The following NFAT5 variants were observed in gnomAD, a reference collection of about 807,000 sequenced individuals.
NFAT5 encodes the protein nuclear factor of activated T cells 5, also known as nuclear factor of activated T-cells 5.
A neutral mutation model predicts 166.5 loss-of-function variants in NFAT5; 31 were observed. The observed-to-expected ratio is 0.19, with a 90% CI of 0.14 to 0.25. The LOEUF (loss-of-function observed/expected upper bound fraction) is 0.25, where lower values mean the gene tolerates loss of function less well. Among genes scored for constraint, NFAT5 ranks in the 10% least tolerant of loss-of-function variants. NFAT5 has a pLI of 1.00. For synonymous variants in NFAT5, 612 were observed against 639.7 expected (o/e 0.96, Z 0.65); for missense variants, 1,449 against 1,821.8 (o/e 0.80, Z 3.72).
intron 2 of NFAT5, among the ~76,000 whole-genome samples, chr16:69,619,341 A>G (rs2034098747): frequency 1.3e-5 from 2 of 152,288 alleles, no homozygotes; most frequent in East Asian, 1.9e-4. Context: ...ATTTTGTTGT[A>G]TATATTTTAT....
In NFAT5 at chr16:69,566,903, C is replaced by G. The variant is rs534458860; in HGVS notation, c.73+529C>G. ...TTTGCGCCGTCGTTCCACCCCCTCT[C>G]CCTCCGGCCTAGTCCACTCCCTCCC... On this transcript the variant is annotated intron_variant, in intron 1 of 14. Transcript: ENST00000349945. This position sits in a 1 kb window ranked among gnomAD's most constrained non-coding sequence, Gnocchi z 5.7. 6.4e-4 allele frequency among the ~76,000 whole-genome samples: 98 copies of G among 152,304 alleles called. No individual in the cohort carries two copies. The highest frequency in any genetic ancestry group is 3.0e-3 in the Admixed American group (46 of 15,302).
chr16:69,570,723 T>G (rs2016379332), intron 2 of NFAT5, among the ~76,000 whole-genome samples: 1 of 152,192 alleles, frequency 6.6e-6, no homozygotes, highest in Admixed American at 6.5e-5. Flanking sequence ...AGGCTACCGC[T>G]TCTAGTATAT....
rs770031844 is a variant in NFAT5, at chr16:69,691,030, G to A, written c.1865G>A (p.Ser622Asn). The A allele has an allele frequency of 6.2e-7, 1 of 1,608,792 alleles. No individual in the cohort carries two copies. The highest frequency in any genetic ancestry group is 2.2e-5 in the East Asian group (1 of 44,678). The change falls in exon 12 of 15, where the codon AGT (serine) becomes AAT (asparagine). Residue 622 changes from serine to asparagine, a missense_variant. Physicochemically the swap from Ser to Asn is conservative, Grantham distance 46. Coordinates refer to ENST00000349945, the MANE Select transcript of NFAT5 (RefSeq NM_138713.4). ...CTCATACCAAGCAGTATGATTAAGA[G>A]TGAAGATGTTACTCCAATGGAAGTA... is the stretch of plus-strand genomic sequence containing the variant. ...TPLIPSSMIK[S>N]EDVTPMEVTA... is the part of the protein sequence containing the mutation.
chr16:69,684,619 G>A lies in NFAT5; in HGVS notation c.1691-268G>A, dbSNP rs142030790. Among the ~76,000 whole-genome samples, 661 of 151,984 alleles carry A rather than the reference G, an allele frequency of 4.3e-3. 3 individuals are homozygous for A. The highest frequency in any genetic ancestry group is 0.015 in the African/African-American group (630 of 41,472). Reference sequence around the variant, plus strand: ...GGTGGTCTTGAACTCCTGACCTCAAGTGATCACCCGCCTTGGCTTCCCAAA... The same window carrying A: ...GGTGGTCTTGAACTCCTGACCTCAAATGATCACCCGCCTTGGCTTCCCAAA... On this transcript the variant is annotated intron_variant, in intron 10 of 14. Transcript: ENST00000349945.
At chr16:69,656,454 CTTT>C (rs201048494) in intron 6 of NFAT5, among the ~76,000 whole-genome samples, 5 of 142,902 alleles carry the variant, frequency 3.5e-5, no homozygotes, top group Non-Finnish European at 1.5e-5. Flanking sequence ...GCTTTAAAAA[CTTT>C]TTTTTTTTTT....
At chr16:69,659,020 CTAT>C (rs1421768345) in intron 6 of NFAT5, among the ~76,000 whole-genome samples, 4 of 151,976 alleles carry the variant, frequency 2.6e-5, no homozygotes, top group Admixed American at 2.6e-4. Flanking sequence ...TTTTTAGTGG[CTAT>C]TATTCTATCC....
chr16:69,682,221 A>C (rs1184794231), intron 10 of NFAT5, among the ~76,000 whole-genome samples: 1 of 151,602 alleles, frequency 6.6e-6, no homozygotes, highest in Non-Finnish European at 1.5e-5. Context: ...CTATTCAGAC[A>C]CAAAAATCAC....
At chr16:69,588,980 C>CTT (rs945918292) in intron 2 of NFAT5, among the ~76,000 whole-genome samples, 917 of 34,366 alleles carry the variant, frequency 0.027, 83 homozygotes, top group Non-Finnish European at 0.039. Context: ...TTTCCTACTT[C>CTT]TTTTTTTTTT....
In NFAT5 at chr16:69,616,227, C is replaced by T. The variant is rs112969956; in HGVS notation, c.128-10176C>T. ...AGGCTCCAAGGCCTCACATGCCCTC[C>T]TCACCCTGCTTGGATTGTAACTCCC... On this transcript the variant is annotated intron_variant, in intron 2 of 14. Transcript: ENST00000349945. Among the ~76,000 whole-genome samples the T allele has an allele frequency of 3.9e-5, 6 of 152,218 alleles. 1 individual carries two copies. Among genetic ancestry groups the T allele is most frequent in the African/African-American group, 1.4e-4 (6 of 41,524 alleles).
Position 69,685,232 on chromosome 16 carries a change from T to G in NFAT5, c.1774+262T>G, listed in dbSNP as rs1026907788. ...TATTGGAGTGGAGGAGTTTTGTTTTTTTTTTTAATTACCCAATATTAAAAG... is the reference window on the plus strand; with the variant it reads ...TATTGGAGTGGAGGAGTTTTGTTTTGTTTTTTAATTACCCAATATTAAAAG... On this transcript the variant is annotated intron_variant, in intron 11 of 14. Coordinates refer to ENST00000349945, the MANE Select transcript of NFAT5 (RefSeq NM_138713.4). 5 of 151,544 alleles carry G rather than the reference T, an allele frequency of 3.3e-5. No homozygotes were observed. In the South Asian group the frequency reaches 6.2e-4, roughly 19 times the overall value. 9.4% of individuals were successfully genotyped at this position (151,544 alleles called of 1,614,324 possible).
rs2037671063 is a variant in NFAT5 at position 69,694,079 on chromosome 16, C to T, written c.4254C>T (p.Ser1418=). The T allele has an allele frequency of 6.2e-7, 1 of 1,614,042 alleles. No homozygotes were observed. Among genetic ancestry groups the T allele is most frequent in the African/African-American group, 1.3e-5 (1 of 74,886 alleles). ...QQDMQQSPLY[S]PQNNMPGIQG... ...ATATGCAACAGTCTCCTCTTTATTC[C>T]CCTCAGAACAACATGCCTGGAATTC... Residue 1418 remains serine, a synonymous_variant, in exon 13 of 15, where the codon TCC becomes TCT. Coordinates refer to ENST00000349945, the MANE Select transcript of NFAT5 (RefSeq NM_138713.4).
At chr16:69,636,574 A>G (rs954059123) in intron 3 of NFAT5, among the ~76,000 whole-genome samples, 4 of 152,152 alleles carry the variant, frequency 2.6e-5, no homozygotes, top group South Asian at 2.1e-4. Context: ...CCAAATCTCA[A>G]TTCTTGACTT....
At chr16:69,629,768 A>ATTTTTT (rs761809860) in intron 3 of NFAT5, among the ~76,000 whole-genome samples, 1 of 111,738 alleles carries the variant, frequency 8.9e-6, no homozygotes, top group Non-Finnish European at 1.8e-5. Flanking sequence ...CACTGGGCTA[A>ATTTTTT]TTTTTTTTTT....
intron 9 of NFAT5, among the ~76,000 whole-genome samples, chr16:69,670,721 A>G (rs991788066): frequency 3.3e-5 from 5 of 152,202 alleles, no homozygotes; most frequent in East Asian, 1.9e-4. Context: ...GGACCTCACC[A>G]TGTATTGTTT....
intron 2 of NFAT5, among the ~76,000 whole-genome samples, chr16:69,610,128 A>G (rs1252881171): frequency 2.6e-5 from 4 of 152,230 alleles, no homozygotes; most frequent in African/African-American, 9.6e-5. Context: ...AGGCTTTAAA[A>G]ATAACTGAAA....
At chr16:69,690,738 C>T (rs1192951500) in intron 11 of NFAT5, 2 of 354,406 alleles carry the variant, frequency 5.6e-6, no homozygotes, top group East Asian at 9.6e-5. Context: ...GCTATAGTTC[C>T]AGGCCCATTC....
intron 2 of NFAT5, among the ~76,000 whole-genome samples, chr16:69,623,585 G>A (rs2034301113): frequency 6.6e-6 from 1 of 151,670 alleles, no homozygotes; most frequent in African/African-American, 2.4e-5. Flanking sequence ...TTGGCTCACT[G>A]CAGCCTCCGC....
At chr16:69,677,158 T>C (rs1478777428) in intron 9 of NFAT5, 45 bp from the exon 10 acceptor site, 1 of 1,554,224 alleles carries the variant, frequency 6.4e-7, no homozygotes, top group African/African-American at 1.4e-5. Flanking sequence ...TTTTTAAATT[T>C]AAGTATTGCT....
intron 2 of NFAT5, among the ~76,000 whole-genome samples, chr16:69,583,425 G>C (rs969630349): frequency 6.6e-6 from 1 of 151,950 alleles, no homozygotes; most frequent in African/African-American, 2.4e-5. Flanking sequence ...CTGTTGCCCA[G>C]GCTGATCTTG....
Sources: allele counts gnomAD v4.1 joint callset (sites outside exome capture counted in the v4.1 genomes callset), GRCh38; gene constraint gnomAD v4.1.1; non-coding constraint Gnocchi (gnomAD v3.1); transcripts MANE v1.5; gene names NCBI Gene and HGNC (gene_info 2026-07-23, HGNC 2026-07-21).